Variants in SHISA9 observed in about 807,000 individuals in gnomAD.
SHISA9 encodes protein shisa-9.
Under a neutral mutation model 38.0 loss-of-function variants are expected in SHISA9, and 13 were observed. That is an observed-to-expected ratio of 0.34 (90% CI 0.22 to 0.54). The LOEUF (loss-of-function observed/expected upper bound fraction) is 0.54, where lower values mean the gene tolerates loss of function less well. Among genes scored for constraint, SHISA9 ranks in the 20% least tolerant of loss-of-function variants. The pLI is 0.91. For synonymous variants in SHISA9, 275 were observed against 242.0 expected, an observed-to-expected ratio of 1.14 and a Z score of -1.27; for missense variants, 538 against 575.8, an observed-to-expected ratio of 0.93 and a Z score of 0.67.
At chr16:13,310,927 C>T in the SHISA9 span, among the ~76,000 whole-genome samples, 2 of 152,022 alleles carry the variant, frequency 1.3e-5, no homozygotes, top group Non-Finnish European at 2.9e-5. Context: ...CGTGATCCAC[C>T]CACCTCGGCC....
intron 2 of SHISA9, among the ~76,000 whole-genome samples, chr16:13,011,526 G>T (rs2072674720): frequency 6.6e-6 from 1 of 151,774 alleles, no homozygotes; most frequent in African/African-American, 2.4e-5. Flanking sequence ...CTGTATATTT[G>T]ACTTTCTTTT....
intron 2 of SHISA9, among the ~76,000 whole-genome samples, chr16:12,970,491 ATATATATTTTTTTTTT>A (rs2072063605): frequency 1.1e-4 from 3 of 28,206 alleles, no homozygotes; most frequent in Non-Finnish European, 1.9e-4. Flanking sequence ...ATATATATAT[ATATATATTTTTTTTTT>A]TTTTTTTTTT....
chr16:13,394,955 G>C, the SHISA9 span, among the ~76,000 whole-genome samples: 2 of 146,324 alleles, frequency 1.4e-5, no homozygotes, highest in Non-Finnish European at 2.9e-5. Context: ...GTGTGTGTGT[G>C]TGTGTGTGTG....
chr16:13,286,804 G>A, the SHISA9 span, among the ~76,000 whole-genome samples: 5 of 152,098 alleles, frequency 3.3e-5, no homozygotes, highest in Admixed American at 2.0e-4. Context: ...GATACGTAAA[G>A]CCATAAAAAT....
rs144409519 is a variant in SHISA9 at position 12,960,626 on chromosome 16, C to T, written c.691+43811C>T. On this transcript the variant is annotated intron_variant, in intron 2 of 4. Coordinates refer to ENST00000558583, the MANE Select transcript of SHISA9 (RefSeq NM_001145204.3). ...ATCATGTCCTTTGCAGGGACATGGACGGAGCTGGAAGTCATTATCCTCAGC... is the reference window on the plus strand; with the variant it reads ...ATCATGTCCTTTGCAGGGACATGGATGGAGCTGGAAGTCATTATCCTCAGC... Among the ~76,000 whole-genome samples, 1,406 of 152,276 alleles carry T rather than the reference C, an allele frequency of 9.2e-3. 22 individuals are homozygous for T. The highest frequency in any genetic ancestry group is 0.032 in the African/African-American group (1,337 of 41,534).
chr16:12,902,017 A>G lies in SHISA9; in HGVS notation c.-48A>G. The G allele has an allele frequency of 7.3e-7, 1 of 1,366,130 alleles. No individual in the cohort carries two copies. Among genetic ancestry groups the G allele is most frequent in the Non-Finnish European group, 9.4e-7 (1 of 1,062,982 alleles). The allele number at this position is 1,366,130 out of a possible 1,614,324, so 84.6% of individuals were successfully genotyped here. A position where few individuals can be genotyped will look rare whatever the true frequency, so the allele number is the denominator to read the frequency against. On this transcript the variant is annotated 5_prime_UTR_variant, in exon 1 of 5. Coordinates refer to ENST00000558583, the MANE Select transcript of SHISA9 (RefSeq NM_001145204.3). ...CGGCCGCGCCTCGAGAGGCGGCCGCAGAGGCTCCAGCGGCGGCCGAGCGGC... is the reference window on the plus strand; with the variant it reads ...CGGCCGCGCCTCGAGAGGCGGCCGCGGAGGCTCCAGCGGCGGCCGAGCGGC...
At chr16:13,526,861 A>G in the SHISA9 span, among the ~76,000 whole-genome samples, 1 of 152,208 alleles carries the variant, frequency 6.6e-6, no homozygotes, top group Non-Finnish European at 1.5e-5. Context: ...ACCCAAACGT[A>G]CATCCATGGT....
In SHISA9 at chr16:13,237,196, C is replaced by T. The variant is rs983030636; in HGVS notation, c.*1787C>T. 6.6e-6 allele frequency: 1 copy of T among 152,252 alleles called. No individual in the cohort carries two copies. Among genetic ancestry groups the T allele is most frequent in the Admixed American group, 6.5e-5 (1 of 15,288 alleles). 9.4% of individuals were successfully genotyped at this position (152,252 alleles called of 1,614,324 possible). ...AGGTTCTGCCTCACCTGTCTCTCCACTCTGACATCACGAAATCAGCAAAAC... is the reference window on the plus strand; with the variant it reads ...AGGTTCTGCCTCACCTGTCTCTCCATTCTGACATCACGAAATCAGCAAAAC... On this transcript the variant is annotated 3_prime_UTR_variant, in exon 5 of 5. Coordinates refer to ENST00000558583, the MANE Select transcript of SHISA9 (RefSeq NM_001145204.3).
chr16:13,358,730 C>A, the SHISA9 span, among the ~76,000 whole-genome samples: 1 of 152,222 alleles, frequency 6.6e-6, no homozygotes, highest in African/African-American at 2.4e-5. Context: ...TTATACCTGA[C>A]CAACATAAGA....
the SHISA9 span, among the ~76,000 whole-genome samples, chr16:13,385,638 ATCCATACCAT>A: frequency 1.1e-5 from 1 of 90,938 alleles, no homozygotes; most frequent in African/African-American, 4.0e-5. Flanking sequence ...ACTGTGGTAT[ATCCATACCAT>A]GAAATAGTAC....
At chr16:13,333,302 T>G in the SHISA9 span, among the ~76,000 whole-genome samples, 2 of 152,180 alleles carry the variant, frequency 1.3e-5, no homozygotes, top group Non-Finnish European at 2.9e-5. Context: ...CTCTTCTGAT[T>G]CTTCAGGCAA....
At chr16:13,420,197 G>T in the SHISA9 span, among the ~76,000 whole-genome samples, 3 of 117,730 alleles carry the variant, frequency 2.5e-5, no homozygotes, top group African/African-American at 9.7e-5. Context: ...CCTGAGCGGA[G>T]ATCGCACCAC....
At chr16:13,280,674 T>C in the SHISA9 span, among the ~76,000 whole-genome samples, 2 of 151,828 alleles carry the variant, frequency 1.3e-5, no homozygotes, top group African/African-American at 4.8e-5. Flanking sequence ...AAGATTTCAG[T>C]TGTTTAGAAT....
At chr16:12,939,605 T>A (rs1384562317) in intron 2 of SHISA9, among the ~76,000 whole-genome samples, 1 of 152,224 alleles carries the variant, frequency 6.6e-6, no homozygotes, top group Non-Finnish European at 1.5e-5. Context: ...GGTTGTCACT[T>A]GTCCAAGTGG....
At chr16:13,318,826 G>A in the SHISA9 span, among the ~76,000 whole-genome samples, 22 of 152,140 alleles carry the variant, frequency 1.4e-4, no homozygotes, top group Non-Finnish European at 2.8e-4. Flanking sequence ...GGCAATCTTA[G>A]GCTAAAAACA....
chr16:13,473,142 T>C, the SHISA9 span, among the ~76,000 whole-genome samples: 12 of 152,182 alleles, frequency 7.9e-5, no homozygotes, highest in Non-Finnish European at 1.5e-4. Flanking sequence ...CACAGTTAAA[T>C]TACTTGGAAA....
the SHISA9 span, among the ~76,000 whole-genome samples, chr16:13,361,272 C>T: frequency 2.0e-5 from 3 of 152,140 alleles, no homozygotes; most frequent in Non-Finnish European, 4.4e-5. Context: ...TTTATTTTGT[C>T]TTGAATAAAC....
chr16:12,966,758 G>C (rs2071984540), intron 2 of SHISA9, among the ~76,000 whole-genome samples: 1 of 152,178 alleles, frequency 6.6e-6, no homozygotes, highest in African/African-American at 2.4e-5. Context: ...AATTTACTGA[G>C]TAAATGAATG....
the SHISA9 span, among the ~76,000 whole-genome samples, chr16:13,315,350 T>C: frequency 1.3e-5 from 2 of 152,242 alleles, no homozygotes; most frequent in African/African-American, 4.8e-5. Flanking sequence ...CGTAGCATAG[T>C]GTGTGGCACA....
Sources: gnomAD v4.1 joint callset for allele counts (sites outside exome capture counted in the v4.1 genomes callset) on GRCh38, gnomAD v4.1.1 for gene constraint, MANE v1.5 for transcripts, NCBI Gene and HGNC (gene_info 2026-07-23, HGNC 2026-07-21) for gene names.